Variants in TMEM229B observed in about 807,000 individuals in gnomAD.
The protein encoded by TMEM229B is chromosome 14 open reading frame 83.
A neutral mutation model predicts 13.7 loss-of-function variants in TMEM229B; 6 were observed. The ratio of observed to expected loss-of-function variants is 0.44; its 90% CI spans 0.24 to 0.86. TMEM229B has a LOEUF of 0.86. Ranked by LOEUF, TMEM229B falls within the 40% of genes least tolerant of loss-of-function variation. TMEM229B has a pLI of 0.23. For missense variants in TMEM229B, 170 were observed against 236.0 expected, an observed-to-expected ratio of 0.72 and a Z score of 1.83; for synonymous variants, 107 against 102.1, an observed-to-expected ratio of 1.05 and a Z score of -0.29.
intron 1 of TMEM229B, among the ~76,000 whole-genome samples, chr14:67,504,381 T>G (rs2032739998): frequency 6.6e-6 from 1 of 152,194 alleles, no homozygotes; most frequent in Non-Finnish European, 1.5e-5. Flanking sequence ...GAAAGCATGT[T>G]TACTGTACTA....
At chr14:67,476,296 T>G (rs952455933) in intron 2 of TMEM229B, among the ~76,000 whole-genome samples, 20 of 152,104 alleles carry the variant, frequency 1.3e-4, no homozygotes, top group African/African-American at 4.3e-4. Flanking sequence ...CTTACATAAT[T>G]AAAATTCAGG....
intron 1 of TMEM229B, among the ~76,000 whole-genome samples, chr14:67,530,008 T>C (rs887071067): frequency 2.6e-5 from 4 of 152,064 alleles, no homozygotes; most frequent in African/African-American, 9.7e-5. Context: ...AGAAAGCAGG[T>C]AGGGATGGGA....
At chr14:67,486,226 C>T (rs1227308662) in intron 2 of TMEM229B, among the ~76,000 whole-genome samples, 3 of 152,224 alleles carry the variant, frequency 2.0e-5, no homozygotes, top group South Asian at 4.1e-4. Context: ...CCAGGTCTTT[C>T]TCATGCTGTT....
intron 2 of TMEM229B, among the ~76,000 whole-genome samples, chr14:67,483,844 G>C (rs569596783): frequency 1.3e-5 from 2 of 152,376 alleles, no homozygotes; most frequent in East Asian, 3.9e-4. Context: ...AGCATGTCAG[G>C]AGGAGCGGTC....
chr14:67,489,969 G>A (rs1259208255), upstream of TMEM229B, among the ~76,000 whole-genome samples: 3 of 149,186 alleles, frequency 2.0e-5, no homozygotes, highest in Admixed American at 1.3e-4. Flanking sequence ...CAGCCTGGGC[G>A]ACAGAGCGAG....
intron 1 of TMEM229B, among the ~76,000 whole-genome samples, chr14:67,496,947 G>A (rs540955587): frequency 3.9e-5 from 6 of 151,988 alleles, no homozygotes; most frequent in South Asian, 4.2e-4. Flanking sequence ...ACAGGTGCCC[G>A]CCACCACACC....
upstream of TMEM229B, among the ~76,000 whole-genome samples, chr14:67,491,852 G>A (rs891019999): frequency 2.0e-5 from 3 of 152,232 alleles, no homozygotes; most frequent in African/African-American, 7.2e-5. Context: ...GAAAGCCTGT[G>A]TCTGTCCAGC....
chr14:67,474,784 G>T (rs1471209052), intron 2 of TMEM229B, among the ~76,000 whole-genome samples: 1 of 152,006 alleles, frequency 6.6e-6, no homozygotes, highest in Non-Finnish European at 1.5e-5. Context: ...GACTACTCTG[G>T]GTGCCTCATA....
intron 2 of TMEM229B, among the ~76,000 whole-genome samples, chr14:67,484,802 C>G (rs1371350788): frequency 6.6e-6 from 1 of 152,144 alleles, no homozygotes; most frequent in Non-Finnish European, 1.5e-5. Flanking sequence ...TCTGAACTAA[C>G]AGCGATTACC....
chr14:67,474,112 CG>C (rs1463270045), intron 2 of TMEM229B, among the ~76,000 whole-genome samples, 171 bp from the exon 3 acceptor site: 2 of 152,112 alleles, frequency 1.3e-5, no homozygotes, highest in African/African-American at 4.8e-5. Flanking sequence ...ATTAGCCTGG[CG>C]TGGTGGCCCG....
chr14:67,491,982 T>C (rs942886854), upstream of TMEM229B, among the ~76,000 whole-genome samples: 2 of 152,192 alleles, frequency 1.3e-5, no homozygotes, highest in African/African-American at 2.4e-5. Flanking sequence ...CTGTGCCCCT[T>C]GCTCTGAGCT....
At chr14:67,527,528 A>G (rs17249216) in intron 1 of TMEM229B, among the ~76,000 whole-genome samples, 9,550 of 152,296 alleles carry the variant, frequency 0.063, 372 homozygotes, top group Middle Eastern at 0.12. Context: ...TTCGATTTTT[A>G]ATTAGGAGAT....
At chr14:67,531,910 CAAAAAAA>C (rs5809352) in intron 1 of TMEM229B, among the ~76,000 whole-genome samples, 20 of 79,574 alleles carry the variant, frequency 2.5e-4, no homozygotes, top group East Asian at 1.1e-3. Flanking sequence ...AACCTATGTC[CAAAAAAA>C]AAAAAAAAAA....
upstream of TMEM229B, among the ~76,000 whole-genome samples, chr14:67,491,983 G>C (rs2032189621): frequency 6.6e-6 from 1 of 152,082 alleles, no homozygotes; most frequent in Admixed American, 6.6e-5. Context: ...TGTGCCCCTT[G>C]CTCTGAGCTT....
upstream of TMEM229B, among the ~76,000 whole-genome samples, chr14:67,491,722 C>A (rs931458939): frequency 9.9e-5 from 15 of 152,220 alleles, no homozygotes; most frequent in African/African-American, 3.6e-4. Flanking sequence ...TCAGAACAAC[C>A]ACTTTTACTT....
chr14:67,502,528 C>T (rs2032651772), intron 1 of TMEM229B, among the ~76,000 whole-genome samples: 1 of 146,866 alleles, frequency 6.8e-6, no homozygotes, highest in Non-Finnish European at 1.5e-5. Context: ...TCTCAGCTCA[C>T]TGCAACCTCC....
intron 1 of TMEM229B, among the ~76,000 whole-genome samples, chr14:67,527,665 C>T (rs531066310): frequency 1.7e-4 from 26 of 152,304 alleles, no homozygotes; most frequent in Non-Finnish European, 2.2e-4. Context: ...TGTTTTGTAC[C>T]GCAGCAGCCC....
At chr14:67,528,901 TGTATTTTCAGATCA>T (rs1468013461) in intron 1 of TMEM229B, among the ~76,000 whole-genome samples, 2 of 152,166 alleles carry the variant, frequency 1.3e-5, no homozygotes, top group African/African-American at 4.8e-5. Flanking sequence ...GCCTGGAATC[TGTATTTTCAGATCA>T]GCATTTTAAG....
intron 2 of TMEM229B, among the ~76,000 whole-genome samples, chr14:67,478,341 C>A (rs2031357566): frequency 6.6e-6 from 1 of 152,224 alleles, no homozygotes; most frequent in Non-Finnish European, 1.5e-5. Flanking sequence ...CTAACTCCCA[C>A]CCTTACCACC....
Sources: allele counts gnomAD v4.1 joint callset (sites outside exome capture counted in the v4.1 genomes callset), GRCh38; gene constraint gnomAD v4.1.1; transcripts MANE v1.5; gene names NCBI Gene and HGNC (gene_info 2026-07-23, HGNC 2026-07-21).